MARCHF1: variants seen among roughly 807,000 people sequenced by gnomAD.
MARCHF1 encodes the protein membrane associated ring-CH-type finger 1.
A neutral mutation model predicts 54.2 loss-of-function variants in MARCHF1; 40 were observed. That is an observed-to-expected ratio of 0.74 (90% CI 0.57 to 0.96). The LOEUF (loss-of-function observed/expected upper bound fraction) is 0.96, where lower values mean the gene tolerates loss of function less well. Ranked by LOEUF, MARCHF1 falls within the 40% of genes least tolerant of loss-of-function variation. The probability of loss-of-function intolerance (pLI) is 0.00; values close to 1 mark genes in which losing one functional copy is unlikely to be tolerated. For synonymous variants in MARCHF1, 236 were observed against 236.3 expected (o/e 1.00, Z 0.01); for missense variants, 586 against 656.5 (o/e 0.89, Z 1.17).
rs554987400 is a variant in MARCHF1, at chr4:163,739,794, C to T, written c.112-38931G>A. 3.2e-4 allele frequency among the ~76,000 whole-genome samples: 48 copies of T among 152,246 alleles called. 1 individual carries two copies. In the South Asian group the frequency reaches 8.3e-3, roughly 26 times the overall value. ...ACCCTTTTATGTTAAGATCAAGGTA[C>T]ATTTTATTTAAAATACAATAACAAT... On this transcript the variant is annotated intron_variant, in intron 4 of 9. Transcript: ENST00000514618.
rs558018093 is a variant in MARCHF1, at chr4:164,245,255, C to G, written c.-322-133593G>C. Among the ~76,000 whole-genome samples the G allele has an allele frequency of 8.5e-5, 13 of 152,330 alleles. No individual in the cohort carries two copies. The East Asian group carries it at 2.5e-3, about 29-fold the overall frequency. On this transcript the variant is annotated intron_variant, in intron 1 of 9. Transcript: ENST00000514618. ...TCCAGCAGCACATCAAAAAGCTTATCCACCATGATCAAGTGGGCTTCATCC... is the reference window on the plus strand; with the variant it reads ...TCCAGCAGCACATCAAAAAGCTTATGCACCATGATCAAGTGGGCTTCATCC...
chr4:164,215,045 T>G (rs1222332273), intron 1 of MARCHF1, among the ~76,000 whole-genome samples: 1 of 152,210 alleles, frequency 6.6e-6, no homozygotes, highest in Non-Finnish European at 1.5e-5. Context: ...ATGTTTTAGT[T>G]TAGCCGTCCG....
chr4:164,164,331 C>T (rs1057144142), intron 1 of MARCHF1, among the ~76,000 whole-genome samples: 3 of 151,536 alleles, frequency 2.0e-5, no homozygotes, highest in African/African-American at 7.3e-5. Flanking sequence ...ATAGATAAAC[C>T]TTTGTCCAGC....
chr4:163,798,550 G>A (rs567791895), intron 4 of MARCHF1, among the ~76,000 whole-genome samples: 80 of 152,172 alleles, frequency 5.3e-4, no homozygotes, highest in African/African-American at 1.8e-3. Context: ...TCCATTAGGT[G>A]CCAAATTCTA....
chr4:164,204,434 GC>G (rs1731550128), intron 1 of MARCHF1, among the ~76,000 whole-genome samples: 2 of 152,126 alleles, frequency 1.3e-5, no homozygotes, highest in African/African-American at 4.8e-5. Flanking sequence ...TTTAGTTTTT[GC>G]TCTTTGAGAC....
intron 5 of MARCHF1, among the ~76,000 whole-genome samples, chr4:163,620,977 G>C (rs1741675603): frequency 6.6e-6 from 1 of 152,104 alleles, no homozygotes; most frequent in South Asian, 2.1e-4. Flanking sequence ...TTTGTGTTTT[G>C]TTCTCCACTA....
intron 1 of MARCHF1, among the ~76,000 whole-genome samples, chr4:164,200,951 G>A (rs1183019581): frequency 6.6e-6 from 1 of 152,092 alleles, no homozygotes; most frequent in Non-Finnish European, 1.5e-5. Context: ...AAGACCACGA[G>A]GTGGAAACAG....
intron 1 of MARCHF1, among the ~76,000 whole-genome samples, chr4:164,268,405 G>T (rs942771565): frequency 8.5e-5 from 13 of 152,220 alleles, no homozygotes; most frequent in Non-Finnish European, 1.3e-4. Context: ...ATATAAAGCA[G>T]GCTTAAGGAT....
chr4:163,718,422 T>G (rs1745333368), intron 4 of MARCHF1, among the ~76,000 whole-genome samples: 1 of 152,160 alleles, frequency 6.6e-6, no homozygotes. Flanking sequence ...AGGGCTAATA[T>G]CCAGAATCTA....
rs1749709255 is a variant in MARCHF1 at position 163,854,163 on chromosome 4, T to C, written c.-32A>G. On this transcript the variant is annotated 5_prime_UTR_variant, in exon 4 of 10. Coordinates refer to ENST00000514618, the MANE Select transcript of MARCHF1 (RefSeq NM_001394959.1). ...CTTCCTCTTATCCCTTTTCAATTTC[T>C]GAAATTCTGAAAATAATTTACATTC... 2.0e-6 allele frequency: 3 copies of C among 1,505,952 alleles called. No homozygotes were observed. The highest frequency in any genetic ancestry group is 2.5e-5 in the East Asian group (1 of 40,282). 93.3% of individuals were successfully genotyped at this position (1,505,952 alleles called of 1,614,324 possible).
chr4:163,838,149 C>G (rs545481676), intron 4 of MARCHF1, among the ~76,000 whole-genome samples: 1 of 152,180 alleles, frequency 6.6e-6, no homozygotes, highest in African/African-American at 2.4e-5. Flanking sequence ...ATATAGTCAT[C>G]CCCAGTTATC....
chr4:163,774,505 T>TTG (rs1417064625), intron 4 of MARCHF1, among the ~76,000 whole-genome samples: 2 of 150,638 alleles, frequency 1.3e-5, no homozygotes, highest in Non-Finnish European at 3.0e-5. Flanking sequence ...TGTTAGGCTT[T>TTG]TTTTTTTTTT....
chr4:164,078,778 A>T (rs1452993385), intron 2 of MARCHF1, among the ~76,000 whole-genome samples: 1 of 152,094 alleles, frequency 6.6e-6, no homozygotes, highest in African/African-American at 2.4e-5. Context: ...GAGCATAAAA[A>T]CCTGTATTGG....
chr4:164,189,770 T>C, intron 1 of MARCHF1: 1 of 1,386,986 alleles, frequency 7.2e-7, no homozygotes, highest in Non-Finnish European at 1.0e-6. Context: ...TCAAGGTCTA[T>C]GAGGATGAAT....
At chr4:163,820,266 C>T (rs570402961) in intron 4 of MARCHF1, among the ~76,000 whole-genome samples, 7 of 152,086 alleles carry the variant, frequency 4.6e-5, no homozygotes, top group African/African-American at 1.2e-4. Context: ...TAATGCTGAC[C>T]CAGTTATCCT....
intron 1 of MARCHF1, among the ~76,000 whole-genome samples, chr4:164,184,681 G>C (rs1325761883): frequency 6.6e-6 from 1 of 152,114 alleles, no homozygotes; most frequent in African/African-American, 2.4e-5. Context: ...TGGTGGTATG[G>C]CCCGTCAAGT....
chr4:163,895,215 A>G (rs1002321044), intron 3 of MARCHF1, among the ~76,000 whole-genome samples: 2 of 152,190 alleles, frequency 1.3e-5, no homozygotes, highest in African/African-American at 2.4e-5. Context: ...TTTACAAGGA[A>G]GTTTTCAGCA....
chr4:164,066,943 A>G (rs1025262754), intron 2 of MARCHF1, among the ~76,000 whole-genome samples: 25 of 152,140 alleles, frequency 1.6e-4, no homozygotes, highest in Non-Finnish European at 8.8e-5. Flanking sequence ...CAGGGTGATA[A>G]AATAATCTGT....
chr4:164,211,801 T>C (rs537865121), intron 1 of MARCHF1, among the ~76,000 whole-genome samples: 2 of 152,050 alleles, frequency 1.3e-5, no homozygotes, highest in Non-Finnish European at 2.9e-5. Context: ...ATGACACGTT[T>C]AGACAACTAT....
Sources: allele counts gnomAD v4.1 joint callset (sites outside exome capture counted in the v4.1 genomes callset), GRCh38; gene constraint gnomAD v4.1.1; transcripts MANE v1.5; gene names NCBI Gene and HGNC (gene_info 2026-07-23, HGNC 2026-07-21).